CNTLN: variants seen among roughly 807,000 people sequenced by gnomAD.
CNTLN encodes centlein.
CNTLN carries 212 observed loss-of-function variants against 180.0 expected under a neutral mutation model. The observed-to-expected ratio is 1.18, with a 90% confidence interval of 1.05 to 1.32. The LOEUF (loss-of-function observed/expected upper bound fraction) is 1.32. CNTLN is among the 40% of genes most tolerant of loss of function. The pLI is 0.00. For missense variants in CNTLN, 2,095 were observed against 1,610.9 expected, an observed-to-expected ratio of 1.30 and a Z score of -5.14; for synonymous variants, 722 against 563.1, an observed-to-expected ratio of 1.28 and a Z score of -3.99.
chr9:17,295,125 G>C (rs1056171387), intron 6 of CNTLN, among the ~76,000 whole-genome samples: 6 of 151,280 alleles, frequency 4.0e-5, no homozygotes, highest in African/African-American at 1.2e-4. Context: ...GCCGCTCTGA[G>C]TGCGGGCCGC....
intron 23 of CNTLN, 62 bp from the exon 24 acceptor site, chr9:17,484,233 A>G: frequency 7.8e-7 from 1 of 1,282,278 alleles, no homozygotes. Context: ...TTTTTATGTT[A>G]TTACTGCTTT....
At chr9:17,518,931 G>GTT in the CNTLN span, among the ~76,000 whole-genome samples, 3 of 152,016 alleles carry the variant, frequency 2.0e-5, no homozygotes, top group African/African-American at 7.2e-5. Context: ...ACTGAGACTT[G>GTT]TTTGTTTAGT....
intron 2 of CNTLN, among the ~76,000 whole-genome samples, chr9:17,149,927 T>C (rs1026110760): frequency 6.6e-6 from 1 of 152,206 alleles, no homozygotes; most frequent in Admixed American, 6.5e-5. Context: ...TTTTTTCATA[T>C]GTCTGTTGGC....
chr9:17,266,873 T>A (rs1295554055), intron 5 of CNTLN, among the ~76,000 whole-genome samples: 3 of 152,162 alleles, frequency 2.0e-5, no homozygotes, highest in Admixed American at 2.0e-4. Flanking sequence ...CTGCCTTTTT[T>A]TGTTTTCCAT....
chr9:17,485,869 G>T (rs543729727), intron 24 of CNTLN, among the ~76,000 whole-genome samples: 1 of 152,162 alleles, frequency 6.6e-6, no homozygotes, highest in Non-Finnish European at 1.5e-5. Context: ...AATCAGAAAG[G>T]TTGTCCTCTT....
At chr9:17,333,290 C>T (rs1343588224) in intron 10 of CNTLN, among the ~76,000 whole-genome samples, 1 of 152,050 alleles carries the variant, frequency 6.6e-6, no homozygotes, top group Non-Finnish European at 1.5e-5. Flanking sequence ...TATATTAATA[C>T]TTCCTAATTC....
At chr9:17,171,897 C>A (rs1356429086) in intron 2 of CNTLN, among the ~76,000 whole-genome samples, 1 of 151,908 alleles carries the variant, frequency 6.6e-6, no homozygotes, top group Admixed American at 6.6e-5. Flanking sequence ...GGTGCAAGCA[C>A]ATTAGAGTAG....
At chr9:17,354,666 C>A (rs1442899188) in intron 12 of CNTLN, among the ~76,000 whole-genome samples, 1 of 152,032 alleles carries the variant, frequency 6.6e-6, no homozygotes, top group African/African-American at 2.4e-5. Context: ...TGTAAATGCA[C>A]CAATCAGCGC....
chr9:17,195,858 G>A (rs1822098143), intron 2 of CNTLN, among the ~76,000 whole-genome samples: 1 of 151,990 alleles, frequency 6.6e-6, no homozygotes, highest in Admixed American at 6.6e-5. Context: ...TACTTTTTCT[G>A]TGATGAAAAT....
chr9:17,510,003 C>G, the CNTLN span, among the ~76,000 whole-genome samples: 1 of 152,082 alleles, frequency 6.6e-6, no homozygotes, highest in Admixed American at 6.5e-5. Flanking sequence ...GGAAATTGGA[C>G]TACTACTCTA....
chr9:17,339,008 C>G (rs1020906879), intron 10 of CNTLN, among the ~76,000 whole-genome samples: 8 of 152,276 alleles, frequency 5.3e-5, no homozygotes, highest in East Asian at 1.9e-4. Flanking sequence ...CCTACTTTAG[C>G]AAATTTGCAT....
chr9:17,199,309 T>C (rs183593293), intron 2 of CNTLN, among the ~76,000 whole-genome samples: 248 of 151,014 alleles, frequency 1.6e-3, no homozygotes, highest in Non-Finnish European at 2.7e-3. Context: ...CCTCCCGGGT[T>C]CAAGCAATTC....
At chr9:17,209,976 G>C (rs1823178251) in intron 2 of CNTLN, among the ~76,000 whole-genome samples, 1 of 152,238 alleles carries the variant, frequency 6.6e-6, no homozygotes, top group Middle Eastern at 3.4e-3. Context: ...CAGTTTTAAA[G>C]ACTACTAGAG....
intron 25 of CNTLN, among the ~76,000 whole-genome samples, chr9:17,497,227 G>C (rs1026509602): frequency 2.6e-5 from 4 of 152,090 alleles, no homozygotes; most frequent in African/African-American, 9.7e-5. Flanking sequence ...AAATGAGGGA[G>C]GGGAAGAAAC....
the CNTLN span, among the ~76,000 whole-genome samples, chr9:17,517,195 C>A: frequency 2.4e-3 from 361 of 152,026 alleles, 2 homozygotes; most frequent in African/African-American, 8.4e-3. Flanking sequence ...TGGAGACCAT[C>A]CTGGCTAACA....
chr9:17,283,525 A>G (rs1828790412), intron 6 of CNTLN, among the ~76,000 whole-genome samples: 1 of 152,116 alleles, frequency 6.6e-6, no homozygotes, highest in South Asian at 2.1e-4. Context: ...CTAGATATAG[A>G]ATCATGTCAT....
chr9:17,499,327 C>T (rs550594707), intron 25 of CNTLN, among the ~76,000 whole-genome samples: 18 of 152,192 alleles, frequency 1.2e-4, no homozygotes, highest in East Asian at 1.9e-4. Context: ...TAAGAGTTAG[C>T]GTGTTATAAG....
chr9:17,308,333 T>C (rs1818877967), intron 7 of CNTLN, among the ~76,000 whole-genome samples: 1 of 152,204 alleles, frequency 6.6e-6, no homozygotes, highest in Admixed American at 6.5e-5. Context: ...TTTAAGGTTT[T>C]CAGTAACTCC....
chr9:17,257,653 T>C (rs1826611733), intron 5 of CNTLN, among the ~76,000 whole-genome samples: 1 of 151,534 alleles, frequency 6.6e-6, no homozygotes. Flanking sequence ...TTCCTGACTT[T>C]TTAATGATCA....
Sources: gnomAD v4.1 joint callset for allele counts (sites outside exome capture counted in the v4.1 genomes callset) on GRCh38, gnomAD v4.1.1 for gene constraint, MANE v1.5 for transcripts, NCBI Gene and HGNC (gene_info 2026-07-23, HGNC 2026-07-21) for gene names.